Variants in MAP3K4 observed in about 807,000 individuals in gnomAD.
MAP3K4 encodes the protein MAP three kinase 1.
MAP3K4 carries 67 observed loss-of-function variants against 185.6 expected under a neutral mutation model. The observed-to-expected ratio is 0.36, with a 90% confidence interval of 0.30 to 0.44. The LOEUF (loss-of-function observed/expected upper bound fraction) is 0.44. Among genes scored for constraint, MAP3K4 ranks in the 20% least tolerant of loss-of-function variants. The probability of loss-of-function intolerance (pLI) is 1.00; values close to 1 mark genes in which losing one functional copy is unlikely to be tolerated. For missense variants in MAP3K4, 1,551 were observed against 1,995.1 expected, an observed-to-expected ratio of 0.78 and a Z score of 4.24; for synonymous variants, 702 against 710.4, an observed-to-expected ratio of 0.99 and a Z score of 0.19.
rs1778176628 is a variant in MAP3K4, at chr6:161,108,062, C to T, written c.4119+93C>T. On this transcript the variant is annotated intron_variant, in intron 21 of 26. Coordinates refer to ENST00000392142, the MANE Select transcript of MAP3K4 (RefSeq NM_005922.4). The surrounding 1 kb of genome is among the most constrained non-coding windows in gnomAD (Gnocchi z 5.7). ...GCTGGTCGTGATTCAGTTCTCTGTG[C>T]GTAGAGCTGTCTTCAGCACCAGCAC... 7.1e-6 allele frequency: 8 copies of T among 1,129,466 alleles called. No homozygotes were observed. The highest frequency in any genetic ancestry group is 2.5e-5 in the East Asian group (1 of 40,032). 70.0% of individuals were successfully genotyped at this position (1,129,466 alleles called of 1,614,324 possible). A position where few individuals can be genotyped will look rare whatever the true frequency, so the allele number is the denominator to read the frequency against.
intron 7 of MAP3K4, among the ~76,000 whole-genome samples, chr6:161,085,876 C>A (rs1414962525): frequency 2.6e-5 from 4 of 152,180 alleles, no homozygotes; most frequent in Non-Finnish European, 5.9e-5. Context: ...GAGAGCTGAT[C>A]ATGCACATCT....
chr6:161,041,708 G>A (rs763707401), intron 2 of MAP3K4, among the ~76,000 whole-genome samples: 1 of 152,134 alleles, frequency 6.6e-6, no homozygotes, highest in Non-Finnish European at 1.5e-5. Context: ...TCCCACTACA[G>A]CTTGTGCAGG....
rs979579850 is a variant in MAP3K4 at position 161,061,025 on chromosome 6, T to G, written c.1708-9583T>G. ...CCAGCATTGTTCATTGCAGCAGAAA[T>G]TGTGGCTGGTCATTGTTTTACTGTT... On this transcript the variant is annotated intron_variant, in intron 3 of 26. Coordinates refer to ENST00000392142, the MANE Select transcript of MAP3K4 (RefSeq NM_005922.4). The surrounding 1 kb of genome is among the most constrained non-coding windows in gnomAD (Gnocchi z 4.2). Among the ~76,000 whole-genome samples, 3 of 152,188 alleles carry G rather than the reference T, an allele frequency of 2.0e-5. No individual in the cohort carries two copies. The highest frequency in any genetic ancestry group is 7.2e-5 in the African/African-American group (3 of 41,442).
At position 161,086,861 on chromosome 6, in the gene MAP3K4, A is replaced by T. The variant is rs1785743931; in HGVS notation, c.2556+194A>T. Among the ~76,000 whole-genome samples the T allele has an allele frequency of 6.6e-6, 1 of 152,172 alleles. No individual in the cohort carries two copies. Among genetic ancestry groups the T allele is most frequent in the Non-Finnish European group, 1.5e-5 (1 of 68,028 alleles). Reference sequence around the variant, plus strand: ...AGTCTTTTTCATACTTGACTTACTAACTTGTCTTCAGAGTGTAGATAAATA... The same window carrying T: ...AGTCTTTTTCATACTTGACTTACTATCTTGTCTTCAGAGTGTAGATAAATA... On this transcript the variant is annotated intron_variant, in intron 9 of 26. Transcript: ENST00000392142. This position sits in a 1 kb window ranked among gnomAD's most constrained non-coding sequence, Gnocchi z 4.8.
At position 161,034,941 on chromosome 6, in the gene MAP3K4, C is replaced by T. The variant is rs1438436348; in HGVS notation, c.343+492C>T. On this transcript the variant is annotated intron_variant, in intron 2 of 26. Coordinates refer to ENST00000392142, the MANE Select transcript of MAP3K4 (RefSeq NM_005922.4). This position sits in a 1 kb window ranked among gnomAD's most constrained non-coding sequence, Gnocchi z 4.4. ...TCTTTTTCATACTAAGCACAGTGACCCCACACCTAACAACCATGACAGAAC... is the reference window on the plus strand; with the variant it reads ...TCTTTTTCATACTAAGCACAGTGACTCCACACCTAACAACCATGACAGAAC... 1.3e-5 allele frequency among the ~76,000 whole-genome samples: 2 copies of T among 152,018 alleles called. No individual in the cohort carries two copies. Among genetic ancestry groups the T allele is most frequent in the African/African-American group, 2.4e-5 (1 of 41,366 alleles).
In MAP3K4 at chr6:161,078,838, G is replaced by A. The variant is rs142245853; in HGVS notation, c.2098-2043G>A. On this transcript the variant is annotated intron_variant, in intron 5 of 26. Transcript: ENST00000392142. ...ACAGTCTGAAGAGGGGGCCAGTGGT[G>A]TGGCTGATGACGTAAATCTTAAAGG... Among the ~76,000 whole-genome samples, 285 of 152,318 alleles carry A rather than the reference G, an allele frequency of 1.9e-3. 2 individuals carry two copies. Among genetic ancestry groups the A allele is most frequent in the African/African-American group, 6.4e-3 (267 of 41,566 alleles).
chr6:161,053,742 C>T lies in MAP3K4; in HGVS notation c.1707+3763C>T, dbSNP rs962775318. On this transcript the variant is annotated intron_variant, in intron 3 of 26. Coordinates refer to ENST00000392142, the MANE Select transcript of MAP3K4 (RefSeq NM_005922.4). This position sits in a 1 kb window ranked among gnomAD's most constrained non-coding sequence, Gnocchi z 4.2. ...GAGTAGCTGGGATTACAAGCGTGCACCACCATGCCTGGCTAATTTTTTGTG... is the reference window on the plus strand; with the variant it reads ...GAGTAGCTGGGATTACAAGCGTGCATCACCATGCCTGGCTAATTTTTTGTG... Among the ~76,000 whole-genome samples, 9 of 152,096 alleles carry T rather than the reference C, an allele frequency of 5.9e-5. No individual in the cohort carries two copies. The highest frequency in any genetic ancestry group is 1.0e-4 in the Non-Finnish European group (7 of 68,016).
intron 1 of MAP3K4, among the ~76,000 whole-genome samples, chr6:161,019,063 C>T (rs1395243519): frequency 1.3e-5 from 2 of 152,020 alleles, no homozygotes; most frequent in African/African-American, 2.4e-5. Context: ...TAGTGTCAGG[C>T]GGTTAGCGTG....
At position 161,107,987 on chromosome 6, in the gene MAP3K4, G is replaced by T. The variant is rs751450227; in HGVS notation, c.4119+18G>T. The T allele has an allele frequency of 3.1e-6, 5 of 1,612,216 alleles. No individual in the cohort carries two copies. Among genetic ancestry groups the T allele is most frequent in the Middle Eastern group, 1.7e-4 (1 of 6,060 alleles). On this transcript the variant is annotated intron_variant, in intron 21 of 26. Coordinates refer to ENST00000392142, the MANE Select transcript of MAP3K4 (RefSeq NM_005922.4). The surrounding 1 kb of genome is among the most constrained non-coding windows in gnomAD (Gnocchi z 6.2). ...TGAAAGAGGTGAGTCACCTGGCTCCGTGGGGCCTTTGGGCCTGGCGGCTCT... is the reference window on the plus strand; with the variant it reads ...TGAAAGAGGTGAGTCACCTGGCTCCTTGGGGCCTTTGGGCCTGGCGGCTCT...
rs1778055683 is a variant in MAP3K4, at chr6:161,106,060, C to T, written c.3857-454C>T. ...CCATTTTGCCCAGTCTGGTCTTGAA[C>T]TCCTAGGCTCAAGTGATCTGCCCAC... On this transcript the variant is annotated intron_variant, in intron 19 of 26. Coordinates refer to ENST00000392142, the MANE Select transcript of MAP3K4 (RefSeq NM_005922.4). The surrounding 1 kb of genome is among the most constrained non-coding windows in gnomAD (Gnocchi z 4.9). Among the ~76,000 whole-genome samples the T allele has an allele frequency of 6.6e-6, 1 of 152,066 alleles. No individual in the cohort carries two copies. The highest frequency in any genetic ancestry group is 2.1e-4 in the South Asian group (1 of 4,826).
chr6:161,041,912 C>CTTTTTTTTTTTTTTTTTTTTTTTTTTT (rs1184107037), intron 2 of MAP3K4, among the ~76,000 whole-genome samples: 1 of 64,048 alleles, frequency 1.6e-5, no homozygotes, highest in Non-Finnish European at 2.8e-5. Flanking sequence ...GTTATTGTTT[C>CTTTTTTTTTTTTTTTTTTTTTTTTTTT]TTTTTTTTTT....
Position 161,063,308 on chromosome 6 carries a change from A to G in MAP3K4, c.1708-7300A>G, listed in dbSNP as rs1446727766. On this transcript the variant is annotated intron_variant, in intron 3 of 26. Transcript: ENST00000392142. The surrounding 1 kb of genome is among the most constrained non-coding windows in gnomAD (Gnocchi z 5.4). Reference sequence around the variant, plus strand: ...ATCGGTCTACAATTCTCATCTGCTTAGTGGACATATCTTTCTGGCAAGCGC... The same window carrying G: ...ATCGGTCTACAATTCTCATCTGCTTGGTGGACATATCTTTCTGGCAAGCGC... 6.6e-6 allele frequency among the ~76,000 whole-genome samples: 1 copy of G among 151,998 alleles called. No individual in the cohort carries two copies. The highest frequency in any genetic ancestry group is 1.5e-5 in the Non-Finnish European group (1 of 67,998).
intron 17 of MAP3K4, among the ~76,000 whole-genome samples, chr6:161,099,033 T>G (rs891004921): frequency 3.9e-5 from 6 of 152,208 alleles, no homozygotes; most frequent in Non-Finnish European, 5.9e-5. Context: ...TCTTGTAGGT[T>G]TTCCCATTCT....
intron 1 of MAP3K4, among the ~76,000 whole-genome samples, chr6:161,026,733 CTTTTTTTTTTTT>C (rs553664182): frequency 5.2e-5 from 5 of 96,102 alleles, no homozygotes; most frequent in African/African-American, 2.2e-4. Context: ...GTTCTCTCTC[CTTTTTTTTTTTT>C]TTTTTTTTTT....
At position 161,034,103 on chromosome 6, in the gene MAP3K4, T is replaced by G. The variant is rs1487121139; in HGVS notation, c.153-156T>G. ...TCTTCAAGCAAAAGAAAAGTTCTCC[T>G]TTTGAGTTTTCACAGGTAAAAATGA... On this transcript the variant is annotated intron_variant, in intron 1 of 26. Transcript: ENST00000392142. This position sits in a 1 kb window ranked among gnomAD's most constrained non-coding sequence, Gnocchi z 4.4. Among the ~76,000 whole-genome samples, 3 of 152,194 alleles carry G rather than the reference T, an allele frequency of 2.0e-5. No individual in the cohort carries two copies. Among genetic ancestry groups the G allele is most frequent in the Non-Finnish European group, 2.9e-5 (2 of 68,026 alleles).
intron 3 of MAP3K4, among the ~76,000 whole-genome samples, chr6:161,069,914 A>G (rs1156943873): frequency 6.6e-6 from 1 of 152,036 alleles, no homozygotes. Context: ...AGTGCTCCCA[A>G]CATTCCAGAT....
In MAP3K4 at chr6:161,108,606, CTTAA is replaced by C. The variant is rs1778211188; in HGVS notation, c.4120-134_4120-131del. ...AGCTTGGCTAAAAACTTCCTTTTTACTTAATTTTTTGTTGTTTTTAATTGACAAA... is the reference window on the plus strand; with the variant it reads ...AGCTTGGCTAAAAACTTCCTTTTTACTTTTTTGTTGTTTTTAATTGACAAA... On this transcript the variant is annotated intron_variant, in intron 21 of 26. Transcript: ENST00000392142. This position sits in a 1 kb window ranked among gnomAD's most constrained non-coding sequence, Gnocchi z 5.7. The C allele has an allele frequency of 1.5e-6, 1 of 646,064 alleles. No individual in the cohort carries two copies. The highest frequency in any genetic ancestry group is 2.7e-6 in the Non-Finnish European group (1 of 364,302). 40.0% of individuals were successfully genotyped at this position (646,064 alleles called of 1,614,324 possible).
chr6:161,043,591 C>T lies in MAP3K4; in HGVS notation c.344-5025C>T, dbSNP rs6918476. Among the ~76,000 whole-genome samples, 126,684 of 151,760 alleles carry T rather than the reference C, an allele frequency of 0.83. 53,055 individuals are homozygous for T. The highest frequency in any genetic ancestry group is 0.99 in the East Asian group (5,136 of 5,174). On this transcript the variant is annotated intron_variant, in intron 2 of 26. Coordinates refer to ENST00000392142, the MANE Select transcript of MAP3K4 (RefSeq NM_005922.4). The surrounding 1 kb of genome is among the most constrained non-coding windows in gnomAD (Gnocchi z 4.3). The stretch of plus-strand genomic sequence containing the variant: ...GATAATCTTCATCATCATGTTGTTA[C>T]GAAAATTATGACAATGTCTGTGAAG...
Position 161,048,760 on chromosome 6 carries a change from G to C in MAP3K4, c.488G>C (p.Cys163Ser). ...CGTGATCGTAAAAAAAATGTACAGT[G>C]CTCATTCATGTTAGACTCAGTGGGT... ...TERDRKKNVQ[C>S]SFMLDSVGGS... is the part of the protein sequence containing the mutation. The change falls in exon 3 of 27, where the codon TGC becomes TCC. Residue 163 changes from cysteine (C) to serine (S), a missense_variant. Physicochemically the swap from Cys to Ser is moderately radical, Grantham distance 112 (BLOSUM62 -1). Around this residue, in one of 16 missense-constraint regions of MAP3K4, gnomAD observed 287 missense variants for 268.8 expected, o/e 1.07. Transcript: ENST00000392142. This position sits in a 1 kb window ranked among gnomAD's most constrained non-coding sequence, Gnocchi z 4.7. 1 of 1,614,058 alleles carries C rather than the reference G, an allele frequency of 6.2e-7. No homozygotes were observed. Among genetic ancestry groups the C allele is most frequent in the Middle Eastern group, 1.6e-4 (1 of 6,062 alleles).
Sources: gnomAD v4.1 joint callset for allele counts (sites outside exome capture counted in the v4.1 genomes callset) on GRCh38, gnomAD v4.1.1 for gene constraint, gnomAD v4.1.1 regional missense constraint, Gnocchi (gnomAD v3.1) non-coding constraint, MANE v1.5 for transcripts, NCBI Gene and HGNC (gene_info 2026-07-23, HGNC 2026-07-21) for gene names.